The following AGBL4 variants were observed in gnomAD, a reference collection of about 807,000 sequenced individuals.
The protein encoded by AGBL4 is AGBL carboxypeptidase 4, also known as cytosolic carboxypeptidase 6.
In AGBL4, 58 loss-of-function variants were observed where a neutral mutation model predicts 66.4. The ratio of observed to expected loss-of-function variants is 0.87; its 90% CI spans 0.71 to 1.09. AGBL4 has a LOEUF of 1.09. AGBL4 is among the 50% of genes least tolerant of loss of function. The pLI is 0.00. For missense variants in AGBL4, 579 were observed against 631.0 expected (o/e 0.92, Z 0.88); for synonymous variants, 234 against 222.9 (o/e 1.05, Z -0.44).
intron 3 of AGBL4, among the ~76,000 whole-genome samples, chr1:49,460,102 G>A (rs1298882556): frequency 2.0e-5 from 3 of 151,554 alleles, no homozygotes; most frequent in African/African-American, 7.3e-5. Flanking sequence ...TTGTTAGGTA[G>A]AATGTTCTGT....
chr1:48,691,877 C>T (rs1034829833), intron 6 of AGBL4, among the ~76,000 whole-genome samples: 1 of 152,150 alleles, frequency 6.6e-6, no homozygotes, highest in Non-Finnish European at 1.5e-5. Context: ...CACAAAAGCC[C>T]GTGCCTTCCA....
intron 3 of AGBL4, among the ~76,000 whole-genome samples, chr1:49,374,601 A>C (rs932884713): frequency 6.6e-6 from 1 of 152,106 alleles, no homozygotes; most frequent in African/African-American, 2.4e-5. Context: ...ACTGAGTCAA[A>C]TGTAGTGCTC....
intron 6 of AGBL4, among the ~76,000 whole-genome samples, chr1:48,848,699 T>C (rs1646970827): frequency 6.6e-6 from 1 of 152,216 alleles, no homozygotes; most frequent in Non-Finnish European, 1.5e-5. Context: ...TTTTCAATCC[T>C]GCATTCTTTG....
downstream of AGBL4, among the ~76,000 whole-genome samples, chr1:48,528,315 C>A (rs900134088): frequency 6.6e-6 from 1 of 152,058 alleles, no homozygotes; most frequent in African/African-American, 2.4e-5. Flanking sequence ...GCAGGGCTTC[C>A]AACCTGAGCA....
At chr1:49,139,495 C>T (rs187179460) in intron 4 of AGBL4, among the ~76,000 whole-genome samples, 5 of 152,190 alleles carry the variant, frequency 3.3e-5, no homozygotes, top group Middle Eastern at 3.4e-3. Flanking sequence ...GGAATTCAAA[C>T]CCCAGGCTGC....
chr1:48,891,378 C>A (rs969757151), intron 5 of AGBL4, among the ~76,000 whole-genome samples: 1 of 152,034 alleles, frequency 6.6e-6, no homozygotes, highest in African/African-American at 2.4e-5. Context: ...ATGACAAGAA[C>A]CCAGTCCCAA....
chr1:49,758,655 TG>T (rs2147856239), intron 2 of AGBL4, among the ~76,000 whole-genome samples: 1 of 152,142 alleles, frequency 6.6e-6, no homozygotes, highest in East Asian at 1.9e-4. Context: ...TTCTCCCATT[TG>T]GAATGAGAAC....
chr1:49,852,076 T>G (rs1301927036), intron 1 of AGBL4, among the ~76,000 whole-genome samples: 2 of 152,194 alleles, frequency 1.3e-5, no homozygotes, highest in African/African-American at 4.8e-5. Context: ...TAAAAGTTTT[T>G]GAAGTTTCAC....
intron 8 of AGBL4, among the ~76,000 whole-genome samples, chr1:48,643,033 T>C (rs1047941347): frequency 3.3e-5 from 5 of 152,080 alleles, no homozygotes; most frequent in Non-Finnish European, 7.4e-5. Flanking sequence ...CCTCAGAGGG[T>C]TGTTTTGAGG....
At chr1:48,673,107 C>T (rs1646304163) in intron 6 of AGBL4, among the ~76,000 whole-genome samples, 3 of 152,154 alleles carry the variant, frequency 2.0e-5, no homozygotes, top group Admixed American at 2.0e-4. Context: ...TTTGATTCCC[C>T]AGCTATACTA....
At chr1:49,055,964 A>C (rs1280145517) in intron 4 of AGBL4, among the ~76,000 whole-genome samples, 1 of 152,094 alleles carries the variant, frequency 6.6e-6, no homozygotes, top group African/African-American at 2.4e-5. Flanking sequence ...CCAACTGCCA[A>C]CCTGATCGCT....
chr1:49,771,124 T>G (rs1644044876), intron 2 of AGBL4, among the ~76,000 whole-genome samples: 2 of 152,152 alleles, frequency 1.3e-5, no homozygotes, highest in Non-Finnish European at 2.9e-5. Context: ...CCTTTCTTGT[T>G]GTACGTGCTT....
At chr1:49,291,773 G>C (rs2148427620) in intron 3 of AGBL4, among the ~76,000 whole-genome samples, 1 of 152,314 alleles carries the variant, frequency 6.6e-6, no homozygotes, top group Non-Finnish European at 1.5e-5. Flanking sequence ...GCCAGGTGCA[G>C]CAGGGAGGCA....
intron 2 of AGBL4, among the ~76,000 whole-genome samples, chr1:49,821,657 G>T (rs1028689350): frequency 6.6e-6 from 1 of 152,206 alleles, no homozygotes; most frequent in East Asian, 1.9e-4. Context: ...AAAGACATTT[G>T]GTATGTTTTA....
intron 4 of AGBL4, among the ~76,000 whole-genome samples, chr1:49,226,027 T>C (rs974341207): frequency 1.3e-5 from 2 of 152,204 alleles, no homozygotes; most frequent in Admixed American, 6.5e-5. Flanking sequence ...ATGAGGAAAC[T>C]GAGGCTCAGG....
At chr1:49,118,475 CAT>C (rs1165944893) in intron 4 of AGBL4, among the ~76,000 whole-genome samples, 5 of 150,374 alleles carry the variant, frequency 3.3e-5, no homozygotes, top group African/African-American at 9.8e-5. Flanking sequence ...TAGAGATAAT[CAT>C]GTGTTTATGT....
At chr1:49,071,371 G>T (rs778624871) in intron 4 of AGBL4, among the ~76,000 whole-genome samples, 1 of 151,804 alleles carries the variant, frequency 6.6e-6, no homozygotes, top group East Asian at 1.9e-4. Flanking sequence ...GCTTTCTCTT[G>T]TGGGCATTTA....
chr1:49,186,828 G>T (rs940335317), intron 4 of AGBL4, among the ~76,000 whole-genome samples: 6 of 152,140 alleles, frequency 3.9e-5, no homozygotes, highest in African/African-American at 1.4e-4. Flanking sequence ...GGGAAAATGG[G>T]CATAACTGGA....
At chr1:49,245,272 ACAC>A (rs1369039466) in intron 4 of AGBL4, among the ~76,000 whole-genome samples, 8 of 150,840 alleles carry the variant, frequency 5.3e-5, no homozygotes. Context: ...ACACACACAC[ACAC>A]ACACACACAC....
Sources: gnomAD v4.1 joint callset for allele counts (sites outside exome capture counted in the v4.1 genomes callset) on GRCh38, gnomAD v4.1.1 for gene constraint, MANE v1.5 for transcripts, NCBI Gene and HGNC (gene_info 2026-07-23, HGNC 2026-07-21) for gene names.